CRTC3: variants seen among roughly 807,000 people sequenced by gnomAD.
CRTC3 encodes CREB-regulated transcription coactivator 3.
CRTC3 carries 26 observed loss-of-function variants against 74.5 expected under a neutral mutation model. That is an observed-to-expected ratio of 0.35 (90% confidence interval 0.26 to 0.48). The LOEUF (loss-of-function observed/expected upper bound fraction) is 0.48, where lower values mean the gene tolerates loss of function less well. CRTC3 is among the 20% of genes least tolerant of loss of function. CRTC3 has a pLI of 0.99. For synonymous variants in CRTC3, 377 were observed against 325.8 expected (o/e 1.16, Z -1.69); for missense variants, 760 against 787.3 (o/e 0.97, Z 0.41).
In CRTC3 at chr15:90,554,079, C is replaced by T. The variant is rs186314385; in HGVS notation, c.231+13942C>T. On this transcript the variant is annotated intron_variant, in intron 2 of 14. Transcript: ENST00000268184. Reference sequence around the variant, plus strand: ...TAGCATGTCTTTGCCTCATTTTTCTCACCTGTAAAATGGGCATAGTTCTAA... The same window carrying T: ...TAGCATGTCTTTGCCTCATTTTTCTTACCTGTAAAATGGGCATAGTTCTAA... 1.1e-3 allele frequency among the ~76,000 whole-genome samples: 174 copies of T among 152,324 alleles called. No individual in the cohort carries two copies. In the Middle Eastern group the frequency reaches 0.014, roughly 12 times the overall value.
chr15:90,634,778 T>G, intron 11 of CRTC3: 3 of 1,207,232 alleles, frequency 2.5e-6, no homozygotes, highest in Non-Finnish European at 3.7e-6. Context: ...GAGTATTGGT[T>G]GGAAGGAGCG....
chr15:90,538,931 G>A (rs971132617), intron 1 of CRTC3, among the ~76,000 whole-genome samples: 1 of 152,176 alleles, frequency 6.6e-6, no homozygotes, highest in Non-Finnish European at 1.5e-5. Context: ...TTCCGAGTCT[G>A]GGTCTCCAGG....
At chr15:90,550,024 A>T (rs1447062770) in intron 2 of CRTC3, among the ~76,000 whole-genome samples, 1 of 151,882 alleles carries the variant, frequency 6.6e-6, no homozygotes, top group Non-Finnish European at 1.5e-5. Flanking sequence ...CTTTTAAAAA[A>T]GTTTTATTAG....
intron 7 of CRTC3, among the ~76,000 whole-genome samples, chr15:90,615,054 C>T (rs1968454812): frequency 6.7e-6 from 1 of 149,604 alleles, no homozygotes; most frequent in South Asian, 2.1e-4. Context: ...CCGAGCGAGA[C>T]TCCGTCTAAA....
chr15:90,541,762 T>A (rs938974967), intron 2 of CRTC3, among the ~76,000 whole-genome samples: 1 of 149,910 alleles, frequency 6.7e-6, no homozygotes, highest in Admixed American at 6.7e-5. Context: ...AAAATGATAA[T>A]CCTTGGCCTT....
At chr15:90,563,223 T>C (rs951138639) in intron 2 of CRTC3, among the ~76,000 whole-genome samples, 10 of 151,994 alleles carry the variant, frequency 6.6e-5, no homozygotes, top group Non-Finnish European at 1.2e-4. Context: ...CTGGCAAACA[T>C]TGAGAAACCC....
chr15:90,593,845 C>T, intron 3 of CRTC3, 90 bp downstream of exon 3: 4 of 1,362,334 alleles, frequency 2.9e-6, no homozygotes, highest in East Asian at 4.8e-5. Context: ...CTCCTTTGGC[C>T]TCAGAATCTT....
chr15:90,543,043 T>A (rs2151057596), intron 2 of CRTC3, among the ~76,000 whole-genome samples: 1 of 150,512 alleles, frequency 6.6e-6, no homozygotes, highest in African/African-American at 2.4e-5. Context: ...ACACCTGTAA[T>A]CCCAGCATTT....
intron 2 of CRTC3, among the ~76,000 whole-genome samples, chr15:90,570,879 G>A (rs1049736310): frequency 2.0e-5 from 3 of 152,134 alleles, no homozygotes; most frequent in Non-Finnish European, 4.4e-5. Context: ...CTTCAGCAGA[G>A]TGCAGCAAAA....
At chr15:90,633,282 T>C (rs889166275) in intron 11 of CRTC3, among the ~76,000 whole-genome samples, 2 of 152,174 alleles carry the variant, frequency 1.3e-5, no homozygotes, top group Non-Finnish European at 2.9e-5. Flanking sequence ...ACTCTTGGAG[T>C]TGGGCAGATC....
intron 9 of CRTC3, among the ~76,000 whole-genome samples, chr15:90,622,401 C>G (rs1390242831): frequency 6.6e-6 from 1 of 152,248 alleles, no homozygotes; most frequent in Non-Finnish European, 1.5e-5. Flanking sequence ...CGCGCCCCTG[C>G]TCTCTCTGCC....
At chr15:90,615,495 G>A (rs1406245571) in intron 7 of CRTC3, among the ~76,000 whole-genome samples, 1 of 152,232 alleles carries the variant, frequency 6.6e-6, no homozygotes, top group African/African-American at 2.4e-5. Flanking sequence ...TCATCATCCT[G>A]CAGCTCCTTT....
At chr15:90,563,781 C>G (rs1567167048) in intron 2 of CRTC3, among the ~76,000 whole-genome samples, 1 of 152,184 alleles carries the variant, frequency 6.6e-6, no homozygotes, top group South Asian at 2.1e-4. Context: ...CTTACTTAGT[C>G]TGAAGGTTTT....
intron 2 of CRTC3, among the ~76,000 whole-genome samples, chr15:90,578,570 A>G (rs1216183234): frequency 1.3e-5 from 2 of 152,134 alleles, no homozygotes; most frequent in Non-Finnish European, 2.9e-5. Flanking sequence ...AAAAGAAGGT[A>G]AAGATGGTAA....
chr15:90,550,448 G>GTTTTTT (rs34296183), intron 2 of CRTC3, among the ~76,000 whole-genome samples: 1 of 142,736 alleles, frequency 7.0e-6, no homozygotes, highest in Non-Finnish European at 1.5e-5. Flanking sequence ...TCCTTTGCCT[G>GTTTTTT]TTTTTTTTTT....
Position 90,572,804 on chromosome 15 carries a change from G to A in CRTC3, c.232-20832G>A, listed in dbSNP as rs1006451636. On this transcript the variant is annotated intron_variant, in intron 2 of 14. Transcript: ENST00000268184. ...TTGGCCAGGCTGGTCTTAAACTCCT[G>A]ACCTCAGGTGATCTGCCCACCTTGG... Among the ~76,000 whole-genome samples the A allele has an allele frequency of 5.9e-5, 9 of 152,260 alleles. 1 individual carries two copies. Among genetic ancestry groups the A allele is most frequent in the Admixed American group, 4.6e-4 (7 of 15,298 alleles).
intron 2 of CRTC3, among the ~76,000 whole-genome samples, chr15:90,550,090 G>C (rs1966852010): frequency 6.6e-6 from 1 of 151,660 alleles, no homozygotes; most frequent in African/African-American, 2.4e-5. Context: ...CCTGTGTCAA[G>C]AACTCTTGGC....
chr15:90,540,773 AAAAAAAT>A (rs1437310552), intron 2 of CRTC3, among the ~76,000 whole-genome samples: 1 of 152,204 alleles, frequency 6.6e-6, no homozygotes, highest in Admixed American at 6.5e-5. Context: ...ACTGTCTCAA[AAAAAAAT>A]AAAAATAAAA....
intron 1 of CRTC3, among the ~76,000 whole-genome samples, chr15:90,538,797 A>C (rs1966760164): frequency 7.0e-6 from 1 of 142,206 alleles, no homozygotes; most frequent in African/African-American, 2.6e-5. Flanking sequence ...TGAGTTTGTA[A>C]TTAGTATGAT....
Sources: allele counts gnomAD v4.1 joint callset (sites outside exome capture counted in the v4.1 genomes callset), GRCh38; gene constraint gnomAD v4.1.1; transcripts MANE v1.5; gene names NCBI Gene and HGNC (gene_info 2026-07-23, HGNC 2026-07-21).